The following LPCAT1 variants were observed in gnomAD, a reference collection of about 807,000 sequenced individuals.
LPCAT1 encodes lysophosphatidylcholine acyltransferase 1.
Under a neutral mutation model 60.9 loss-of-function variants are expected in LPCAT1, and 23 were observed. The ratio of observed to expected loss-of-function variants is 0.38; its 90% CI spans 0.27 to 0.53. The LOEUF (loss-of-function observed/expected upper bound fraction) is 0.53. LPCAT1 is among the 20% of genes least tolerant of loss of function. The pLI is 0.82. For missense variants in LPCAT1, 622 were observed against 723.6 expected (o/e 0.86, Z 1.61); for synonymous variants, 340 against 301.1 (o/e 1.13, Z -1.34).
In LPCAT1 at chr5:1,481,453, C is replaced by G. The variant is rs1161281180; in HGVS notation, c.727-477G>C. 6.6e-6 allele frequency among the ~76,000 whole-genome samples: 1 copy of G among 152,250 alleles called. No homozygotes were observed. Among genetic ancestry groups the G allele is most frequent in the Admixed American group, 6.5e-5 (1 of 15,290 alleles). ...CCCCAACCACGGTGCATGTGCAGGG[C>G]CCCCCCACCCCGGGTGCTCTGAAGT... On this transcript the variant is annotated intron_variant, in intron 6 of 13. Coordinates refer to ENST00000283415, the MANE Select transcript of LPCAT1 (RefSeq NM_024830.5). This position sits in a 1 kb window ranked among gnomAD's most constrained non-coding sequence, Gnocchi z 7.8.
At chr5:1,493,922 T>C (rs1735681602) in intron 3 of LPCAT1, among the ~76,000 whole-genome samples, 1 of 152,178 alleles carries the variant, frequency 6.6e-6, no homozygotes, top group Non-Finnish European at 1.5e-5. Context: ...AAGAGACTCA[T>C]AGAGGAGACA....
intron 1 of LPCAT1, among the ~76,000 whole-genome samples, chr5:1,513,055 C>T (rs1390146785): frequency 2.0e-5 from 3 of 152,184 alleles, no homozygotes; most frequent in East Asian, 1.9e-4. Flanking sequence ...CAGAGCCCCA[C>T]GGAGGGAGGG....
At chr5:1,470,186 G>A (rs1369582716) in intron 12 of LPCAT1, among the ~76,000 whole-genome samples, 2 of 152,244 alleles carry the variant, frequency 1.3e-5, no homozygotes, top group African/African-American at 2.4e-5. Context: ...AGGCAAAGCC[G>A]GCCCAGCTCT....
chr5:1,520,082 T>C (rs1736624988), intron 1 of LPCAT1, among the ~76,000 whole-genome samples: 1 of 152,160 alleles, frequency 6.6e-6, no homozygotes, highest in Non-Finnish European at 1.5e-5. Flanking sequence ...CAGAGAAGCC[T>C]GAGGAACCCC....
In LPCAT1 at chr5:1,462,793, G is replaced by C. The variant is rs1734156776; in HGVS notation, c.*858C>G. 6.6e-6 allele frequency: 1 copy of C among 152,210 alleles called. No individual in the cohort carries two copies. Among genetic ancestry groups the C allele is most frequent in the Non-Finnish European group, 1.5e-5 (1 of 68,038 alleles). The allele number at this position is 152,210 out of a possible 1,614,324, so 9.4% of individuals were successfully genotyped here. A position where few individuals can be genotyped will look rare whatever the true frequency, so the allele number is the denominator to read the frequency against. On this transcript the variant is annotated 3_prime_UTR_variant, in exon 14 of 14. Transcript: ENST00000283415. Reference sequence around the variant, plus strand: ...ACTGGAGTTTAGGCTACAGTGAAATGGATTACGTTATGCCGAAACAGAAAC... The same window carrying C: ...ACTGGAGTTTAGGCTACAGTGAAATCGATTACGTTATGCCGAAACAGAAAC...
chr5:1,521,442 T>C lies in LPCAT1; in HGVS notation c.135+2268A>G. ...ATTTCTTTCTTTGGGGAAGAAGGCTTTCTTGGCTTGAAAGACAGGCTATTT... is the reference window on the plus strand; with the variant it reads ...ATTTCTTTCTTTGGGGAAGAAGGCTCTCTTGGCTTGAAAGACAGGCTATTT... On this transcript the variant is annotated intron_variant, in intron 1 of 13. Coordinates refer to ENST00000283415, the MANE Select transcript of LPCAT1 (RefSeq NM_024830.5). This position sits in a 1 kb window ranked among gnomAD's most constrained non-coding sequence, Gnocchi z 4.3. 13 of 985,382 alleles carry C rather than the reference T, an allele frequency of 1.3e-5. No individual in the cohort carries two copies. The highest frequency in any genetic ancestry group is 1.6e-5 in the Non-Finnish European group (13 of 829,864). 61.0% of individuals were successfully genotyped at this position (985,382 alleles called of 1,614,324 possible). A position where few individuals can be genotyped will look rare whatever the true frequency, so the allele number is the denominator to read the frequency against.
intron 7 of LPCAT1, 40 bp from the exon 8 acceptor site, chr5:1,479,715 T>C: frequency 1.3e-6 from 2 of 1,517,802 alleles, no homozygotes; most frequent in Non-Finnish European, 1.8e-6. Context: ...GATTTACAAC[T>C]CGGGTTAACA....
intron 5 of LPCAT1, among the ~76,000 whole-genome samples, chr5:1,485,472 G>A (rs190419525): frequency 4.1e-4 from 62 of 152,308 alleles, no homozygotes; most frequent in Non-Finnish European, 7.2e-4. Context: ...GAGGAGGTAC[G>A]GGCTTCTAAA....
At position 1,521,242 on chromosome 5, in the gene LPCAT1, G is replaced by T; in HGVS notation, c.135+2468C>A. On this transcript the variant is annotated intron_variant, in intron 1 of 13. Coordinates refer to ENST00000283415, the MANE Select transcript of LPCAT1 (RefSeq NM_024830.5). This position sits in a 1 kb window ranked among gnomAD's most constrained non-coding sequence, Gnocchi z 4.3. ...TCACTAAATCTGTAGTTAAATGACAGATGGGCTGGCTGGAGGAGGAGGTGT... is the reference window on the plus strand; with the variant it reads ...TCACTAAATCTGTAGTTAAATGACATATGGGCTGGCTGGAGGAGGAGGTGT... The T allele has an allele frequency of 1.4e-6, 1 of 720,422 alleles. No individual in the cohort carries two copies. The highest frequency in any genetic ancestry group is 1.3e-4 in the East Asian group (1 of 7,586). 44.6% of individuals were successfully genotyped at this position (720,422 alleles called of 1,614,324 possible). A position where few individuals can be genotyped will look rare whatever the true frequency, so the allele number is the denominator to read the frequency against.
intron 1 of LPCAT1, among the ~76,000 whole-genome samples, chr5:1,508,674 A>AC (rs1474776359): frequency 2.6e-5 from 4 of 152,340 alleles, no homozygotes; most frequent in African/African-American, 9.6e-5. Context: ...AAGACACTTG[A>AC]CATATGTTTG....
intron 3 of LPCAT1, among the ~76,000 whole-genome samples, chr5:1,494,173 T>C (rs1449795210): frequency 6.6e-6 from 1 of 152,204 alleles, no homozygotes; most frequent in Admixed American, 6.5e-5. Flanking sequence ...CCGCGGTGCA[T>C]GGGCAGCCCT....
chr5:1,485,805 C>T (rs58799595), intron 5 of LPCAT1, among the ~76,000 whole-genome samples: 1,631 of 151,562 alleles, frequency 0.011, 33 homozygotes, highest in African/African-American at 0.035. Context: ...GCTCACAGCC[C>T]GTGCAGGGAG....
intron 1 of LPCAT1, among the ~76,000 whole-genome samples, chr5:1,506,908 A>G (rs910300490): frequency 6.6e-6 from 1 of 152,156 alleles, no homozygotes; most frequent in Admixed American, 6.5e-5. Flanking sequence ...CACCCAAGCA[A>G]GGCCCAGCAC....
intron 1 of LPCAT1, among the ~76,000 whole-genome samples, chr5:1,518,628 T>C (rs1285406418): frequency 6.6e-6 from 1 of 152,200 alleles, no homozygotes; most frequent in Non-Finnish European, 1.5e-5. Context: ...GCGTGAGCCG[T>C]TGCGCCCGGC....
intron 1 of LPCAT1, among the ~76,000 whole-genome samples, chr5:1,504,316 C>T (rs539219032): frequency 2.4e-4 from 37 of 152,364 alleles, no homozygotes; most frequent in African/African-American, 7.5e-4. Context: ...GAGAGCGCAG[C>T]GGAGGAGACC....
chr5:1,488,491 AC>A, intron 4 of LPCAT1, 40 bp from the exon 5 acceptor site: 1 of 1,343,958 alleles, frequency 7.4e-7, no homozygotes, highest in Non-Finnish European at 1.0e-6. Flanking sequence ...ATTAAACTGT[AC>A]ATAATTATAA....
rs564716912 is a variant in LPCAT1 at position 1,483,884 on chromosome 5, T to C, written c.668-398A>G. Among the ~76,000 whole-genome samples, 1 of 149,752 alleles carries C rather than the reference T, an allele frequency of 6.7e-6. No homozygotes were observed. The highest frequency in any genetic ancestry group is 2.5e-5 in the African/African-American group (1 of 40,350). On this transcript the variant is annotated intron_variant, in intron 5 of 13. Coordinates refer to ENST00000283415, the MANE Select transcript of LPCAT1 (RefSeq NM_024830.5). This position sits in a 1 kb window ranked among gnomAD's most constrained non-coding sequence, Gnocchi z 9.2. ...TGGAGGGACACTTGCTATTATAACATTGCGCACGAGCTGGAAGACATCCGT... is the reference window on the plus strand; with the variant it reads ...TGGAGGGACACTTGCTATTATAACACTGCGCACGAGCTGGAAGACATCCGT...
Position 1,488,238 on chromosome 5 carries a change from T to C in LPCAT1, c.667+153A>G, listed in dbSNP as rs1402685653. ...CCTTGACTCACATTCTCAAATTTAT[T>C]TTGTGACTTTTCTTAGGAATACCTC... On this transcript the variant is annotated intron_variant, in intron 5 of 13. Transcript: ENST00000283415. 7 of 537,474 alleles carry C rather than the reference T, an allele frequency of 1.3e-5. No homozygotes were observed. The African/African-American group carries it at 1.4e-4, about 10-fold the overall frequency. The allele number at this position is 537,474 out of a possible 1,614,324, so 33.3% of individuals were successfully genotyped here. A position where few individuals can be genotyped will look rare whatever the true frequency, so the allele number is the denominator to read the frequency against.
chr5:1,489,239 C>T (rs75408229), intron 4 of LPCAT1, among the ~76,000 whole-genome samples: 2,919 of 152,298 alleles, frequency 0.019, 53 homozygotes, highest in African/African-American at 0.048. Context: ...GCAATCAGAT[C>T]CCAGACAGTT....
Sources: allele counts gnomAD v4.1 joint callset (sites outside exome capture counted in the v4.1 genomes callset), GRCh38; gene constraint gnomAD v4.1.1; non-coding constraint Gnocchi (gnomAD v3.1); transcripts MANE v1.5; gene names NCBI Gene and HGNC (gene_info 2026-07-23, HGNC 2026-07-21).